RGS6: variants seen among roughly 807,000 people sequenced by gnomAD.
RGS6 encodes the protein regulator of G protein signaling 6.
A neutral mutation model predicts 78.5 loss-of-function variants in RGS6; 30 were observed. The ratio of observed to expected loss-of-function variants is 0.38; its 90% confidence interval spans 0.29 to 0.52. The LOEUF (loss-of-function observed/expected upper bound fraction) is 0.52, where lower values mean the gene tolerates loss of function less well. Among genes scored for constraint, RGS6 ranks in the 20% least tolerant of loss-of-function variants. The probability of loss-of-function intolerance (pLI) is 0.85; values close to 1 mark genes in which losing one functional copy is unlikely to be tolerated. For missense variants in RGS6, 495 were observed against 609.7 expected (o/e 0.81, Z 1.98); for synonymous variants, 206 against 206.0 (o/e 1.00, Z 0.00).
At chr14:72,016,183 A>C (rs1040383900) in intron 2 of RGS6, among the ~76,000 whole-genome samples, 3 of 152,202 alleles carry the variant, frequency 2.0e-5, no homozygotes, top group Non-Finnish European at 2.9e-5. Context: ...TTTCAAATGT[A>C]GTGTTTCACA....
chr14:72,355,474 T>C (rs888580006), intron 3 of RGS6, among the ~76,000 whole-genome samples: 2 of 152,134 alleles, frequency 1.3e-5, no homozygotes, highest in Admixed American at 6.6e-5. Context: ...TGGTTCTTTT[T>C]ACAATATACT....
intron 2 of RGS6, among the ~76,000 whole-genome samples, chr14:72,287,428 C>G (rs1245258231): frequency 6.6e-6 from 1 of 152,016 alleles, no homozygotes; most frequent in Non-Finnish European, 1.5e-5. Flanking sequence ...ATAATGTTAA[C>G]TGCGGGATTG....
the RGS6 span, among the ~76,000 whole-genome samples, chr14:72,572,247 A>C: frequency 1.1e-3 from 169 of 152,338 alleles, no homozygotes; most frequent in African/African-American, 3.8e-3. Context: ...TTTCCTCAAA[A>C]GCTTAAAAAT....
chr14:72,005,588 C>T (rs1230972224), intron 2 of RGS6, among the ~76,000 whole-genome samples: 2 of 152,226 alleles, frequency 1.3e-5, no homozygotes, highest in Non-Finnish European at 2.9e-5. Context: ...TTATACTTTA[C>T]AGATTTTTAT....
At chr14:72,222,983 C>T (rs1376706686) in intron 2 of RGS6, among the ~76,000 whole-genome samples, 1 of 152,212 alleles carries the variant, frequency 6.6e-6, no homozygotes, top group South Asian at 2.1e-4. Flanking sequence ...CAAACTCCAA[C>T]TGGATTGTGG....
the RGS6 span, among the ~76,000 whole-genome samples, chr14:71,905,203 G>T: frequency 1.3e-5 from 2 of 152,174 alleles, no homozygotes; most frequent in Non-Finnish European, 2.9e-5. Context: ...AAACAATAAA[G>T]AGAGCTACAC....
the RGS6 span, among the ~76,000 whole-genome samples, chr14:71,874,569 A>G: frequency 6.6e-6 from 1 of 152,238 alleles, no homozygotes. Flanking sequence ...TTCTAAATGT[A>G]CAATCATATC....
intron 2 of RGS6, among the ~76,000 whole-genome samples, chr14:72,119,426 T>C (rs1395231041): frequency 6.6e-6 from 1 of 152,190 alleles, no homozygotes; most frequent in Admixed American, 6.6e-5. Flanking sequence ...GTAGTTTTGT[T>C]GGGGGCAGGA....
chr14:71,890,295 G>C, the RGS6 span, among the ~76,000 whole-genome samples: 1 of 151,590 alleles, frequency 6.6e-6, no homozygotes, highest in Admixed American at 6.6e-5. Context: ...AATGACAGCC[G>C]GTAGGATTAG....
At chr14:71,925,712 C>CATATTATATTTATATTATATT in the RGS6 span, among the ~76,000 whole-genome samples, 37 of 96,290 alleles carry the variant, frequency 3.8e-4, no homozygotes, top group African/African-American at 1.8e-3. Context: ...TAGATGACTT[C>CATATTATATTTATATTATATT]ATATTATATT....
intron 3 of RGS6, among the ~76,000 whole-genome samples, chr14:72,440,937 C>T (rs758908297): frequency 2.7e-5 from 4 of 150,016 alleles, no homozygotes; most frequent in Non-Finnish European, 5.9e-5. Context: ...TATGTGTGAG[C>T]GTTGCATGCA....
chr14:72,124,015 A>G (rs1325628082), intron 2 of RGS6, among the ~76,000 whole-genome samples: 4 of 152,178 alleles, frequency 2.6e-5, no homozygotes, highest in Non-Finnish European at 4.4e-5. Flanking sequence ...GTCACAGTCT[A>G]TAACATTCGC....
chr14:72,079,381 C>A (rs1299213809), intron 2 of RGS6, among the ~76,000 whole-genome samples: 1 of 152,038 alleles, frequency 6.6e-6, no homozygotes, highest in Non-Finnish European at 1.5e-5. Flanking sequence ...TATTGCTCAG[C>A]ACTATTCTTT....
At chr14:72,217,759 G>A (rs958148376) in intron 2 of RGS6, among the ~76,000 whole-genome samples, 1 of 151,946 alleles carries the variant, frequency 6.6e-6, no homozygotes, top group Non-Finnish European at 1.5e-5. Context: ...ATTTTTAAGA[G>A]GTTTTATTTT....
At chr14:71,881,733 G>A in the RGS6 span, among the ~76,000 whole-genome samples, 1 of 152,190 alleles carries the variant, frequency 6.6e-6, no homozygotes, top group Admixed American at 6.5e-5. Flanking sequence ...AGCAGTGTGA[G>A]AATGGACTAA....
chr14:71,910,399 A>G, the RGS6 span, among the ~76,000 whole-genome samples: 1 of 152,170 alleles, frequency 6.6e-6, no homozygotes, highest in African/African-American at 2.4e-5. Context: ...TACCTTTGAA[A>G]GCCTAAGACT....
chr14:72,470,648 T>G (rs8016596), intron 8 of RGS6, among the ~76,000 whole-genome samples: 46,142 of 151,632 alleles, frequency 0.3, 7,282 homozygotes, highest in Admixed American at 0.38. Context: ...GAGACCGAGG[T>G]GGGGGTGGAT....
chr14:72,319,980 A>G (rs1417281612), intron 2 of RGS6, among the ~76,000 whole-genome samples: 1 of 152,242 alleles, frequency 6.6e-6, no homozygotes, highest in Non-Finnish European at 1.5e-5. Context: ...AAGAACAATC[A>G]ATACTACTCT....
intron 12 of RGS6, among the ~76,000 whole-genome samples, chr14:72,486,589 G>C (rs2096492020): frequency 6.6e-6 from 1 of 152,148 alleles, no homozygotes; most frequent in Non-Finnish European, 1.5e-5. Flanking sequence ...GTCAACCCTT[G>C]TACATTCACT....
Sources: allele counts gnomAD v4.1 joint callset (sites outside exome capture counted in the v4.1 genomes callset), GRCh38; gene constraint gnomAD v4.1.1; transcripts MANE v1.5; gene names NCBI Gene and HGNC (gene_info 2026-07-23, HGNC 2026-07-21).